PHF21B: variants seen among roughly 807,000 people sequenced by gnomAD.
The protein encoded by PHF21B is PHD finger protein 4.
Under a neutral mutation model 62.2 loss-of-function variants are expected in PHF21B, and 22 were observed. The ratio of observed to expected loss-of-function variants is 0.35; its 90% CI spans 0.25 to 0.51. The LOEUF is 0.51. Among genes scored for constraint, PHF21B ranks in the 20% least tolerant of loss-of-function variants. PHF21B has a pLI of 0.97. For missense variants in PHF21B, 701 were observed against 707.9 expected (o/e 0.99, Z 0.11); for synonymous variants, 341 against 314.7 (o/e 1.08, Z -0.88).
chr22:45,007,571 A>G (rs1386869864), intron 2 of PHF21B, among the ~76,000 whole-genome samples: 4 of 9,562 alleles, frequency 4.2e-4, no homozygotes, highest in Admixed American at 7.5e-4. Context: ...CGAAGGAGGG[A>G]GGGAGGGGGC....
intron 5 of PHF21B, among the ~76,000 whole-genome samples, chr22:44,903,841 T>C (rs1004636927): frequency 1.3e-5 from 2 of 152,236 alleles, no homozygotes; most frequent in African/African-American, 4.8e-5. Context: ...GTTGTTTATT[T>C]AGGTATGCCT....
At chr22:44,917,037 G>A (rs1475091422) in intron 3 of PHF21B, among the ~76,000 whole-genome samples, 1 of 152,234 alleles carries the variant, frequency 6.6e-6, no homozygotes, top group Non-Finnish European at 1.5e-5. Flanking sequence ...CAGGGACTGG[G>A]AGGGGCTTCG....
chr22:44,961,506 C>T (rs1023765587), intron 2 of PHF21B, among the ~76,000 whole-genome samples: 4 of 152,052 alleles, frequency 2.6e-5, no homozygotes, highest in Admixed American at 6.5e-5. Context: ...CAAGTGAAAA[C>T]GTGGTAATTG....
chr22:44,937,256 A>G (rs1193709367), intron 2 of PHF21B, among the ~76,000 whole-genome samples: 1 of 152,206 alleles, frequency 6.6e-6, no homozygotes, highest in East Asian at 1.9e-4. Context: ...TAAAAATCCT[A>G]TTCATCCCCA....
At chr22:44,891,865 C>T (rs2070971620) in intron 7 of PHF21B, among the ~76,000 whole-genome samples, 1 of 152,192 alleles carries the variant, frequency 6.6e-6, no homozygotes, top group Non-Finnish European at 1.5e-5. Flanking sequence ...CAACCACAGG[C>T]CACACCGGTC....
chr22:44,916,594 C>G lies in PHF21B; in HGVS notation c.250G>C (p.Val84Leu), dbSNP rs138308961. ...GGTGGCCGGTCCCGGCCCGGGGCAA[C>G]GGGGAGGCTGTCTGGAATCAGAGTC... is the stretch of plus-strand genomic sequence containing the variant. ...PKTLIPDSLP[V>L]APGRDRPPKQ... The change falls in exon 4 of 13, where the codon GTT becomes CTT. Residue 84 changes from valine to leucine, a missense_variant. Transcript: ENST00000313237. 14 of 1,603,968 alleles carry G rather than the reference C, an allele frequency of 8.7e-6. No individual in the cohort carries two copies. Among genetic ancestry groups the G allele is most frequent in the Non-Finnish European group, 1.1e-5 (13 of 1,179,876 alleles).
intron 5 of PHF21B, among the ~76,000 whole-genome samples, chr22:44,913,391 G>A (rs1228800362): frequency 6.6e-6 from 1 of 152,162 alleles, no homozygotes; most frequent in East Asian, 1.9e-4. Context: ...CCTAGGATGG[G>A]GTGTAGTGGC....
At chr22:44,892,182 C>T (rs1332593080) in intron 7 of PHF21B, among the ~76,000 whole-genome samples, 1 of 152,218 alleles carries the variant, frequency 6.6e-6, no homozygotes, top group Non-Finnish European at 1.5e-5. Flanking sequence ...CACACCATTT[C>T]CTTGGGTGGA....
rs145604854 is a variant in PHF21B, at chr22:44,987,462, T to C, written c.120+21083A>G. ...CAGGTCTACAAGGCGTGCACTCAGA[T>C]CACCTCATCTTGCATGTGAGCACAC... On this transcript the variant is annotated intron_variant, in intron 2 of 12. Coordinates refer to ENST00000313237, the MANE Select transcript of PHF21B (RefSeq NM_138415.5). Among the ~76,000 whole-genome samples, 3 of 152,274 alleles carry C rather than the reference T, an allele frequency of 2.0e-5. No homozygotes were observed. In the East Asian group the frequency reaches 5.8e-4, roughly 29 times the overall value.
intron 2 of PHF21B, among the ~76,000 whole-genome samples, chr22:44,940,179 T>C (rs2071928660): frequency 6.6e-6 from 1 of 151,966 alleles, no homozygotes; most frequent in Admixed American, 6.5e-5. Context: ...AGATCACCAG[T>C]TTTTCCGCAC....
At chr22:44,979,007 T>A (rs1301314050) in intron 2 of PHF21B, among the ~76,000 whole-genome samples, 1 of 152,214 alleles carries the variant, frequency 6.6e-6, no homozygotes, top group Non-Finnish European at 1.5e-5. Flanking sequence ...AACCACCCCC[T>A]GCAATGAAAC....
At chr22:44,891,492 CCT>C in intron 7 of PHF21B, 132 bp from the exon 8 acceptor site, 2 of 1,043,148 alleles carry the variant, frequency 1.9e-6, no homozygotes, top group Non-Finnish European at 2.9e-6. Context: ...CTGGACACCC[CCT>C]GCCAGGGGCA....
rs2070749018 is a variant in PHF21B at position 44,882,006 on chromosome 22, T to G, written c.*1080A>C. 1 of 152,678 alleles carries G rather than the reference T, an allele frequency of 6.5e-6. No individual in the cohort carries two copies. 9.5% of individuals were successfully genotyped at this position (152,678 alleles called of 1,614,324 possible). A position where few individuals can be genotyped will look rare whatever the true frequency, so the allele number is the denominator to read the frequency against. ...CTTCCCGAGGGGAGGTGTTCCCATT[T>G]GTACCTTGAAGCAGAGACTACTAGA... On this transcript the variant is annotated 3_prime_UTR_variant, in exon 13 of 13. Coordinates refer to ENST00000313237, the MANE Select transcript of PHF21B (RefSeq NM_138415.5).
At chr22:44,910,689 A>C (rs1026587703) in intron 5 of PHF21B, among the ~76,000 whole-genome samples, 1 of 152,198 alleles carries the variant, frequency 6.6e-6, no homozygotes, top group Non-Finnish European at 1.5e-5. Flanking sequence ...TGGAACTGTG[A>C]GTTCTCCATT....
chr22:44,978,116 C>T (rs1030437897), intron 2 of PHF21B, among the ~76,000 whole-genome samples: 6 of 152,202 alleles, frequency 3.9e-5, no homozygotes, highest in Admixed American at 6.5e-5. Context: ...TTCAGGCCTC[C>T]CAGGACACGT....
In PHF21B at chr22:44,885,849, C is replaced by T. The variant is rs1017153926; in HGVS notation, c.1273+14G>A. On this transcript the variant is annotated intron_variant, in intron 11 of 12. Transcript: ENST00000313237. ...GGAGCAGGTACCCTTTTCCACTCCC[C>T]AGGGATGCCTCACCTGTCTTGTGGG... 6.2e-7 allele frequency: 1 copy of T among 1,613,570 alleles called. No individual in the cohort carries two copies. Among genetic ancestry groups the T allele is most frequent in the African/African-American group, 1.3e-5 (1 of 74,942 alleles).
intron 2 of PHF21B, among the ~76,000 whole-genome samples, chr22:44,973,095 C>A (rs373968691): frequency 1.3e-4 from 20 of 152,332 alleles, no homozygotes; most frequent in Admixed American, 7.2e-4. Flanking sequence ...TGACTCCCCA[C>A]CCCCAGTCAT....
intron 2 of PHF21B, among the ~76,000 whole-genome samples, chr22:44,952,865 G>A (rs1007361061): frequency 2.6e-5 from 4 of 152,188 alleles, no homozygotes; most frequent in Non-Finnish European, 4.4e-5. Context: ...GAGCTCTCAG[G>A]ACAAAAGGCA....
At chr22:44,953,378 C>A (rs536278106) in intron 2 of PHF21B, among the ~76,000 whole-genome samples, 1 of 152,312 alleles carries the variant, frequency 6.6e-6, no homozygotes, top group Admixed American at 6.5e-5. Flanking sequence ...CCCCTCCCTG[C>A]AAGTCTTATG....
Sources: gnomAD v4.1 joint callset for allele counts (sites outside exome capture counted in the v4.1 genomes callset) on GRCh38, gnomAD v4.1.1 for gene constraint, MANE v1.5 for transcripts, NCBI Gene and HGNC (gene_info 2026-07-23, HGNC 2026-07-21) for gene names.